Variants in DNM2 observed in about 807,000 individuals in gnomAD.
DNM2 encodes dynamin-2.
A neutral mutation model predicts 99.0 loss-of-function variants in DNM2; 15 were observed. The ratio of observed to expected loss-of-function variants is 0.15; its 90% CI spans 0.10 to 0.23. The LOEUF (loss-of-function observed/expected upper bound fraction) is 0.23. DNM2 is among the 10% of genes least tolerant of loss of function. DNM2 has a pLI of 1.00. For missense variants in DNM2, 742 were observed against 1,189.4 expected (o/e 0.62, Z 5.53); for synonymous variants, 525 against 481.2 (o/e 1.09, Z -1.19).
Position 10,796,125 on chromosome 19 carries a change from A to G in DNM2, c.1196+686A>G, listed in dbSNP as rs1047420749. ...TGTGAAAAAGCAGGTCGTCAAGCTG[A>G]AAGAGCCCTGTCTGAAATGTGTCGA... is the stretch of plus-strand genomic sequence containing the variant. On this transcript the variant is annotated intron_variant, in intron 9 of 20. Coordinates refer to ENST00000389253, the MANE Select transcript of DNM2 (RefSeq NM_001005361.3). This position sits in a 1 kb window ranked among gnomAD's most constrained non-coding sequence, Gnocchi z 5.6. 10 of 1,614,056 alleles carry G rather than the reference A, an allele frequency of 6.2e-6. No homozygotes were observed. In the African/African-American group the frequency reaches 8.0e-5, roughly 13 times the overall value.
chr19:10,718,458 G>C (rs771356305), intron 1 of DNM2, 55 bp downstream of exon 1: 149 of 1,326,702 alleles, frequency 1.1e-4, no homozygotes, highest in Non-Finnish European at 1.4e-4. Flanking sequence ...CGCGGAGGGC[G>C]GACCGGGAAT....
At chr19:10,804,924 C>G (rs2072281388) in intron 12 of DNM2, among the ~76,000 whole-genome samples, 1 of 152,064 alleles carries the variant, frequency 6.6e-6, no homozygotes, top group South Asian at 2.1e-4. Flanking sequence ...CCATATTGTT[C>G]TGAAAGTTTC....
At position 10,777,182 on chromosome 19, in the gene DNM2, C is replaced by T. The variant is rs763948283; in HGVS notation, c.654C>T (p.Asp218=). The change falls in exon 5 of 21, where the codon GAC becomes GAT. Residue 218 remains aspartate (D), a synonymous_variant. Coordinates refer to ENST00000389253, the MANE Select transcript of DNM2 (RefSeq NM_001005361.3). ...TGGACGAGGGCACCGACGCCAGGGA[C>T]GTCTTGGAGAACAAGTTGCTCCCGT... The part of the protein sequence containing the change: ...DLMDEGTDAR[D]VLENKLLPLR... 2.2e-5 allele frequency: 35 copies of T among 1,614,154 alleles called. No individual in the cohort carries two copies. The highest frequency in any genetic ancestry group is 3.3e-5 in the South Asian group (3 of 91,086).
chr19:10,718,685 CG>C (rs2068835108), intron 1 of DNM2: 2 of 291,732 alleles, frequency 6.9e-6, no homozygotes, highest in Non-Finnish European at 1.2e-5. Context: ...TCCCAGCTTT[CG>C]TGGGTGAAGT....
At chr19:10,754,279 C>G (rs1214889262) in intron 1 of DNM2, among the ~76,000 whole-genome samples, 1 of 146,568 alleles carries the variant, frequency 6.8e-6, no homozygotes, top group Non-Finnish European at 1.5e-5. Flanking sequence ...TTTTTTGAGA[C>G]GGAGTCTCAC....
At position 10,818,876 on chromosome 19, in the gene DNM2, G is replaced by A. The variant is rs1471373281; in HGVS notation, c.1672-1104G>A. Among the ~76,000 whole-genome samples the A allele has an allele frequency of 6.6e-6, 1 of 152,172 alleles. No individual in the cohort carries two copies. The highest frequency in any genetic ancestry group is 6.5e-5 in the Admixed American group (1 of 15,278). On this transcript the variant is annotated intron_variant, in intron 15 of 20. Coordinates refer to ENST00000389253, the MANE Select transcript of DNM2 (RefSeq NM_001005361.3). This position sits in a 1 kb window ranked among gnomAD's most constrained non-coding sequence, Gnocchi z 4.3. Reference sequence around the variant, plus strand: ...CCTGCCGTGTGGCCTTCGGCAGCCAGCTTCCCTCTCTGAGCTAGGAGGGAT... The same window carrying A: ...CCTGCCGTGTGGCCTTCGGCAGCCAACTTCCCTCTCTGAGCTAGGAGGGAT...
intron 18 of DNM2, among the ~76,000 whole-genome samples, chr19:10,826,494 A>G (rs984446448): frequency 2.0e-5 from 3 of 152,206 alleles, no homozygotes; most frequent in Admixed American, 6.5e-5. Context: ...AGTGAAATGC[A>G]GCTGTACTGA....
intron 1 of DNM2, among the ~76,000 whole-genome samples, chr19:10,744,354 G>T (rs1238834261): frequency 6.6e-6 from 1 of 152,148 alleles, no homozygotes; most frequent in Non-Finnish European, 1.5e-5. Context: ...TACGCTGTGG[G>T]GGTGGGACAA....
rs377009386 is a variant in DNM2, at chr19:10,823,863, G to T, written c.1857G>T (p.Ser619=). 2 of 1,613,754 alleles carry T rather than the reference G, an allele frequency of 1.2e-6. No homozygotes were observed. The highest frequency in any genetic ancestry group is 1.7e-6 in the Non-Finnish European group (2 of 1,180,008). ...SQEDVDSWKA[S]FLRAGVYPEK... ...AAGACGTGGACAGCTGGAAGGCCTC[G>T]TTCCTCCGAGCTGGCGTCTACCCCG... Residue 619 remains serine (S), a synonymous_variant, in exon 17 of 21, where the codon TCG becomes TCT. Transcript: ENST00000389253.
rs550692861 is a variant in DNM2, at chr19:10,831,126, G to A, written c.*79G>A. ...CTTCAGTGGTCTGGGGCCCTCCGCC[G>A]CCCCTATGCTGGGACCAGGCTCCCA... On this transcript the variant is annotated 3_prime_UTR_variant, in exon 21 of 21. Transcript: ENST00000389253. The surrounding 1 kb of genome is among the most constrained non-coding windows in gnomAD (Gnocchi z 4.3). The A allele has an allele frequency of 2.2e-4, 335 of 1,498,214 alleles. 3 individuals carry two copies. The highest frequency in any genetic ancestry group is 1.7e-3 in the Middle Eastern group (8 of 4,732). 92.8% of individuals were successfully genotyped at this position (1,498,214 alleles called of 1,614,324 possible). A position where few individuals can be genotyped will look rare whatever the true frequency, so the allele number is the denominator to read the frequency against.
At chr19:10,730,578 A>T (rs1384372949) in intron 1 of DNM2, among the ~76,000 whole-genome samples, 1 of 151,866 alleles carries the variant, frequency 6.6e-6, no homozygotes, top group Non-Finnish European at 1.5e-5. Context: ...GGTTTTGGAG[A>T]CTCACAGCCT....
rs184342157 is a variant in DNM2 at position 10,801,585 on chromosome 19, G to C, written c.1423-703G>C. Among the ~76,000 whole-genome samples, 193 of 144,730 alleles carry C rather than the reference G, an allele frequency of 1.3e-3. 2 individuals are homozygous for C. The highest frequency in any genetic ancestry group is 4.9e-4 in the Non-Finnish European group (33 of 66,766). The allele number at this position is 144,730 out of a possible 152,430, so 94.9% of individuals were successfully genotyped here. On this transcript the variant is annotated intron_variant, in intron 11 of 20. Coordinates refer to ENST00000389253, the MANE Select transcript of DNM2 (RefSeq NM_001005361.3). ...ATTGTTCTACTGCACTCCAGCCTGG[G>C]AGACAGTAAGTTCTTTTCTCAAAAA...
At chr19:10,819,541 C>T (rs1284989563) in intron 15 of DNM2, among the ~76,000 whole-genome samples, 2 of 152,196 alleles carry the variant, frequency 1.3e-5, no homozygotes, top group Non-Finnish European at 2.9e-5. Flanking sequence ...AACAGGAGTC[C>T]CTGCCCTGGA....
At chr19:10,773,612 C>A (rs1455694344) in intron 3 of DNM2, among the ~76,000 whole-genome samples, 2 of 151,906 alleles carry the variant, frequency 1.3e-5, no homozygotes, top group East Asian at 1.9e-4. Context: ...CCCTGCCTGG[C>A]TAATTTTTTT....
chr19:10,721,332 T>C (rs1472136355), intron 1 of DNM2, among the ~76,000 whole-genome samples: 1 of 152,128 alleles, frequency 6.6e-6, no homozygotes, highest in African/African-American at 2.4e-5. Flanking sequence ...AATTTTTGTA[T>C]TTTTAGCAGA....
chr19:10,779,667 C>T (rs2071290971), intron 5 of DNM2, among the ~76,000 whole-genome samples: 1 of 151,756 alleles, frequency 6.6e-6, no homozygotes, highest in African/African-American at 2.4e-5. Context: ...GCGATTGCTC[C>T]TGGCTAGGTT....
At chr19:10,793,295 C>T (rs940934288) in intron 7 of DNM2, among the ~76,000 whole-genome samples, 3 of 152,194 alleles carry the variant, frequency 2.0e-5, no homozygotes, top group Non-Finnish European at 2.9e-5. Flanking sequence ...CACATCCCAT[C>T]GATGGGTCAG....
intron 1 of DNM2, among the ~76,000 whole-genome samples, chr19:10,740,420 G>C (rs1221161591): frequency 6.6e-6 from 1 of 151,160 alleles, no homozygotes; most frequent in Non-Finnish European, 1.5e-5. Context: ...CTGTCGCCCA[G>C]GCTGGAGTGC....
At chr19:10,814,684 A>AT (rs1836772915) in intron 15 of DNM2, among the ~76,000 whole-genome samples, 1 of 151,436 alleles carries the variant, frequency 6.6e-6, no homozygotes, top group South Asian at 2.1e-4. Flanking sequence ...TCTACCTTTT[A>AT]TTTTTTTAGC....
Sources: gnomAD v4.1 joint callset for allele counts (sites outside exome capture counted in the v4.1 genomes callset) on GRCh38, gnomAD v4.1.1 for gene constraint, Gnocchi (gnomAD v3.1) non-coding constraint, MANE v1.5 for transcripts, NCBI Gene and HGNC (gene_info 2026-07-23, HGNC 2026-07-21) for gene names.